RAD50: variants seen among roughly 807,000 people sequenced by gnomAD.
The protein encoded by RAD50 is DNA repair protein RAD50.
Under a neutral mutation model 168.8 loss-of-function variants are expected in RAD50, and 132 were observed. That is an observed-to-expected ratio of 0.78 (90% CI 0.68 to 0.90). The LOEUF is 0.90. Among genes scored for constraint, RAD50 ranks in the 40% least tolerant of loss-of-function variants. The probability of loss-of-function intolerance (pLI) is 0.00; values close to 1 mark genes in which losing one functional copy is unlikely to be tolerated. For missense variants in RAD50, 1,347 were observed against 1,534.4 expected, an observed-to-expected ratio of 0.88 and a Z score of 2.04; for synonymous variants, 525 against 497.4, an observed-to-expected ratio of 1.06 and a Z score of -0.74.
chr5:132,588,056 A>C lies in RAD50; in HGVS notation c.1018A>C (p.Asn340His), dbSNP rs1376069129. 2 of 1,612,812 alleles carry C rather than the reference A, an allele frequency of 1.2e-6. No homozygotes were observed. Among genetic ancestry groups the C allele is most frequent in the Non-Finnish European group, 8.5e-7 (1 of 1,178,996 alleles). Residue 340 changes from asparagine to histidine, a missense_variant, in exon 7 of 25, where the codon AAT becomes CAT. Asn to His is a moderately conservative substitution (Grantham distance 68). This residue lies in a region of RAD50 where 703 missense variants were observed against 767.7 expected (regional missense o/e 0.92). Coordinates refer to ENST00000378823, the MANE Select transcript of RAD50 (RefSeq NM_005732.4). ...EKLNKESRLL[N>H]QEKSELLVEQ... is the part of the protein sequence containing the mutation. ...ACTAAATAAAGAATCTAGGCTTCTC[A>C]ATCAGGAAAAATCAGAACTGCTTGT...
chr5:132,617,567 G>A (rs1751199194), intron 20 of RAD50, among the ~76,000 whole-genome samples: 2 of 152,098 alleles, frequency 1.3e-5, no homozygotes, highest in African/African-American at 2.4e-5. Flanking sequence ...TTTTACACTT[G>A]TGCAAGAGAA....
In RAD50 at chr5:132,579,931, A is replaced by C. The variant is rs768781901; in HGVS notation, c.621A>C (p.Gln207His). The change falls in exon 5 of 25, where the codon CAA becomes CAC. Residue 207 changes from glutamine to histidine, a missense_variant. Gln to His is a conservative substitution (Grantham distance 24). Transcript: ENST00000378823. The stretch of plus-strand genomic sequence containing the variant: ...AAGGTCAGAAAGTAAAAGAATATCA[A>C]ATGGAACTAAAATATCTGAAGCAAT... ...QTQGQKVKEY[Q>H]MELKYLKQYK... 1 of 1,612,226 alleles carries C rather than the reference A, an allele frequency of 6.2e-7. No individual in the cohort carries two copies. The highest frequency in any genetic ancestry group is 8.5e-7 in the Non-Finnish European group (1 of 1,178,300).
At chr5:132,630,272 G>C (rs1367231812) in intron 21 of RAD50, among the ~76,000 whole-genome samples, 1 of 152,130 alleles carries the variant, frequency 6.6e-6, no homozygotes, top group Non-Finnish European at 1.5e-5. Context: ...TTGATCTCTT[G>C]ACCTTGTGAT....
chr5:132,573,460 A>G (rs1750342153), intron 2 of RAD50, among the ~76,000 whole-genome samples: 1 of 152,094 alleles, frequency 6.6e-6, no homozygotes, highest in African/African-American at 2.4e-5. Context: ...CCCGTGATTC[A>G]ATTATCTCCC....
At chr5:132,559,259 ATAAT>A in intron 1 of RAD50, 21 bp from the exon 2 acceptor site, 1 of 1,581,698 alleles carries the variant, frequency 6.3e-7, no homozygotes, top group South Asian at 1.2e-5. Flanking sequence ...TTATAACGAA[ATAAT>A]GTAATTTTCT....
chr5:132,577,585 A>G (rs538396108), intron 3 of RAD50, among the ~76,000 whole-genome samples: 1 of 152,140 alleles, frequency 6.6e-6, no homozygotes, highest in African/African-American at 2.4e-5. Context: ...GCTACATACT[A>G]CTTCATTCAC....
At chr5:132,570,502 C>G (rs753621267) in intron 2 of RAD50, among the ~76,000 whole-genome samples, 1 of 152,220 alleles carries the variant, frequency 6.6e-6, no homozygotes, top group African/African-American at 2.4e-5. Context: ...TCAGCACTTG[C>G]TGCTTCACCT....
intron 22 of RAD50, 163 bp from the exon 23 acceptor site, chr5:132,637,918 C>T: frequency 1.3e-6 from 1 of 769,380 alleles, no homozygotes; most frequent in Non-Finnish European, 2.1e-6. Context: ...GACCACCAGG[C>T]TCTTGAATCC....
intron 23 of RAD50, among the ~76,000 whole-genome samples, chr5:132,638,652 A>T (rs1315808724): frequency 1.3e-5 from 2 of 152,226 alleles, no homozygotes. Context: ...ATTCTAGCTT[A>T]AGCTAGAATG....
At chr5:132,637,807 C>T (rs567617378) in intron 22 of RAD50, among the ~76,000 whole-genome samples, 1 of 152,290 alleles carries the variant, frequency 6.6e-6, no homozygotes, top group African/African-American at 2.4e-5. Context: ...GTTGGGTTTA[C>T]AGGCGTGAGC....
intron 19 of RAD50, among the ~76,000 whole-genome samples, chr5:132,611,705 TAAAAAAAA>T (rs34112186): frequency 9.7e-6 from 1 of 102,980 alleles, no homozygotes; most frequent in East Asian, 2.9e-4. Flanking sequence ...GACTCCGTCT[TAAAAAAAA>T]AAAAAAAAAA....
Position 132,616,087 on chromosome 5 carries a change from C to T in RAD50, c.3121C>T (p.His1041Tyr). The change falls in exon 20 of 25, where the codon CAT (histidine) becomes TAT (tyrosine). Residue 1041 changes from histidine to tyrosine, a missense_variant. Around this residue, in one of 3 missense-constraint regions of RAD50, gnomAD observed 635 missense variants for 739.2 expected, o/e 0.86. Coordinates refer to ENST00000378823, the MANE Select transcript of RAD50 (RefSeq NM_005732.4). ...LKEVEEERKQ[H>Y]LKEMGQMQVL... ...AGAAGTTGAAGAAGAAAGAAAACAA[C>T]ATTTGAAGGAAATGGGTCAAATGCA... is the stretch of plus-strand genomic sequence containing the variant. The T allele has an allele frequency of 6.2e-7, 1 of 1,613,038 alleles. No individual in the cohort carries two copies. The highest frequency in any genetic ancestry group is 8.5e-7 in the Non-Finnish European group (1 of 1,179,326).
chr5:132,560,049 A>AAT (rs1554096831), intron 2 of RAD50, among the ~76,000 whole-genome samples: 1 of 136,240 alleles, frequency 7.3e-6, no homozygotes, highest in Non-Finnish European at 1.5e-5. Flanking sequence ...GTGAAACAAC[A>AAT]ATACACACAC....
At chr5:132,600,497 T>C (rs994281368) in intron 13 of RAD50, among the ~76,000 whole-genome samples, 5 of 152,218 alleles carry the variant, frequency 3.3e-5, no homozygotes, top group Admixed American at 2.6e-4. Context: ...ATATCTTGCT[T>C]ATCTTCTTTG....
intron 16 of RAD50, among the ~76,000 whole-genome samples, chr5:132,607,553 A>G (rs750919935): frequency 1.3e-5 from 2 of 152,178 alleles, no homozygotes; most frequent in Non-Finnish European, 2.9e-5. Flanking sequence ...TAAATTTTAG[A>G]TTACAAAATA....
At chr5:132,576,164 A>AT (rs1436912540) in intron 3 of RAD50, among the ~76,000 whole-genome samples, 1 of 152,100 alleles carries the variant, frequency 6.6e-6, no homozygotes, top group African/African-American at 2.4e-5. Context: ...TGAACATTTG[A>AT]TTTTTTGTGG....
intron 21 of RAD50, among the ~76,000 whole-genome samples, chr5:132,619,361 G>C (rs1017431919): frequency 1.3e-5 from 2 of 152,114 alleles, no homozygotes; most frequent in Non-Finnish European, 2.9e-5. Flanking sequence ...AACCTCATAG[G>C]TTTAAAATGA....
chr5:132,613,086 A>G (rs550401372), intron 19 of RAD50, among the ~76,000 whole-genome samples: 1 of 152,022 alleles, frequency 6.6e-6, no homozygotes, highest in South Asian at 2.1e-4. Flanking sequence ...TCTCACAGGT[A>G]TCTAGAATGC....
chr5:132,634,870 TTTC>T (rs777927391), intron 21 of RAD50, among the ~76,000 whole-genome samples: 1 of 152,222 alleles, frequency 6.6e-6, no homozygotes, highest in Non-Finnish European at 1.5e-5. Flanking sequence ...AGTTTTACTG[TTTC>T]TTTCTTGTTG....
Sources: gnomAD v4.1 joint callset for allele counts (sites outside exome capture counted in the v4.1 genomes callset) on GRCh38, gnomAD v4.1.1 for gene constraint, gnomAD v4.1.1 regional missense constraint, MANE v1.5 for transcripts, NCBI Gene and HGNC (gene_info 2026-07-23, HGNC 2026-07-21) for gene names.